The following WWOX variants were observed in gnomAD, a reference collection of about 807,000 sequenced individuals.
WWOX encodes the protein WW domain containing oxidoreductase.
WWOX carries 69 observed loss-of-function variants against 46.2 expected under a neutral mutation model. The observed-to-expected ratio is 1.49, with a 90% CI of 1.23 to 1.82. The LOEUF (loss-of-function observed/expected upper bound fraction) is 1.82. Ranked by LOEUF, WWOX falls within the 40% of genes most tolerant of loss-of-function variation. The probability of loss-of-function intolerance (pLI) is 0.00; values close to 1 mark genes in which losing one functional copy is unlikely to be tolerated. For synonymous variants in WWOX, 359 were observed against 202.6 expected, an observed-to-expected ratio of 1.77 and a Z score of -6.56; for missense variants, 919 against 542.6, an observed-to-expected ratio of 1.69 and a Z score of -6.89.
chr16:78,801,114 T>G (rs8051426), intron 8 of WWOX, among the ~76,000 whole-genome samples: 1 of 151,718 alleles, frequency 6.6e-6, no homozygotes, highest in Non-Finnish European at 1.5e-5. Context: ...AGTGCAGTGG[T>G]GCAATCTTGG....
At chr16:78,894,018 CTTTTATTATTATTAT>C (rs2044647060) in intron 8 of WWOX, among the ~76,000 whole-genome samples, 1 of 33,722 alleles carries the variant, frequency 3.0e-5, no homozygotes. Flanking sequence ...TTTATTGAGG[CTTTTATTATTATTAT>C]TATTATTATT....
At chr16:78,856,828 C>G (rs1177183546) in intron 8 of WWOX, among the ~76,000 whole-genome samples, 2 of 152,114 alleles carry the variant, frequency 1.3e-5, no homozygotes, top group Non-Finnish European at 2.9e-5. Flanking sequence ...AGGTTGTGTT[C>G]TGAGAAATGC....
intron 5 of WWOX, among the ~76,000 whole-genome samples, chr16:78,236,425 T>G (rs1007737187): frequency 6.6e-6 from 1 of 152,220 alleles, no homozygotes; most frequent in African/African-American, 2.4e-5. Context: ...TTTGCTTTTT[T>G]GACAGACACA....
intron 8 of WWOX, among the ~76,000 whole-genome samples, chr16:78,449,892 G>A (rs538125134): frequency 3.4e-5 from 5 of 147,964 alleles, no homozygotes; most frequent in East Asian, 2.0e-4. Flanking sequence ...GCCAGAAAGC[G>A]TGAACTTTTT....
chr16:78,883,681 G>C (rs1408946776), intron 8 of WWOX, among the ~76,000 whole-genome samples: 2 of 151,230 alleles, frequency 1.3e-5, no homozygotes, highest in African/African-American at 4.9e-5. Flanking sequence ...TTGAGATCAT[G>C]CTACTGTACT....
intron 8 of WWOX, among the ~76,000 whole-genome samples, chr16:79,070,676 A>G (rs371377115): frequency 1.3e-5 from 2 of 152,180 alleles, no homozygotes; most frequent in African/African-American, 2.4e-5. Flanking sequence ...GATGTCAACA[A>G]TCCAGGAGCT....
chr16:78,890,655 C>T (rs1052962783), intron 8 of WWOX: 1 of 152,218 alleles, frequency 6.6e-6, no homozygotes, highest in African/African-American at 2.4e-5. Context: ...CCAGTATTTT[C>T]CACAGCCAGT....
Position 78,228,370 on chromosome 16 carries a change from C to G in WWOX, c.516+64081C>G, listed in dbSNP as rs577057231. Among the ~76,000 whole-genome samples, 177 of 126,838 alleles carry G rather than the reference C, an allele frequency of 1.4e-3. 1 individual carries two copies. The highest frequency in any genetic ancestry group is 2.4e-3 in the Non-Finnish European group (154 of 62,878). 83.2% of individuals were successfully genotyped at this position (126,838 alleles called of 152,430 possible). A position where few individuals can be genotyped will look rare whatever the true frequency, so the allele number is the denominator to read the frequency against. The stretch of plus-strand genomic sequence containing the variant: ...TTTTTTTTTTTTTTTTGGAGATGGT[C>G]TCACTCTGTTACCCAGGCTGGAATG... On this transcript the variant is annotated intron_variant, in intron 5 of 8. Transcript: ENST00000566780.
chr16:78,647,656 A>G (rs966704169), intron 8 of WWOX, among the ~76,000 whole-genome samples: 43 of 152,240 alleles, frequency 2.8e-4, no homozygotes, highest in Non-Finnish European at 4.7e-4. Flanking sequence ...TGACAGGCAC[A>G]TCAACATCAG....
At chr16:79,147,506 G>A (rs1003173530) in intron 8 of WWOX, among the ~76,000 whole-genome samples, 9 of 152,120 alleles carry the variant, frequency 5.9e-5, no homozygotes, top group South Asian at 2.1e-4. Context: ...TCACTCTCCC[G>A]CTGAAGGAAA....
chr16:78,808,695 C>G (rs2051106508), intron 8 of WWOX, among the ~76,000 whole-genome samples: 1 of 152,134 alleles, frequency 6.6e-6, no homozygotes, highest in Non-Finnish European at 1.5e-5. Flanking sequence ...TCATGTAGTC[C>G]TCACACTAGA....
Position 78,782,966 on chromosome 16 carries a change from A to G in WWOX, c.1056+350214A>G, listed in dbSNP as rs1035874784. On this transcript the variant is annotated intron_variant, in intron 8 of 8. Coordinates refer to ENST00000566780, the MANE Select transcript of WWOX (RefSeq NM_016373.4). ...ATTTCTCATACATCAGGCCATTTCT[A>G]TGCCTGCCTGTGAACACAGGGATTT... Among the ~76,000 whole-genome samples, 7 of 152,190 alleles carry G rather than the reference A, an allele frequency of 4.6e-5. No homozygotes were observed. In the East Asian group the frequency reaches 5.8e-4, roughly 13 times the overall value.
At chr16:78,783,549 A>G in intron 8 of WWOX, among the ~76,000 whole-genome samples, 1 of 152,202 alleles carries the variant, frequency 6.6e-6, no homozygotes, top group Non-Finnish European at 1.5e-5. Context: ...GGCCTGTAAG[A>G]GGTTGATGTG....
chr16:78,318,272 A>ATTTTTTTTTTTTTTTTTTTTT (rs34730954), intron 5 of WWOX, among the ~76,000 whole-genome samples: 3 of 123,552 alleles, frequency 2.4e-5, no homozygotes, highest in African/African-American at 6.4e-5. Context: ...TCTGGGAGGA[A>ATTTTTTTTTTTTTTTTTTTTT]TTTTTTTTTT....
At chr16:78,730,234 G>T (rs546268554) in intron 8 of WWOX, among the ~76,000 whole-genome samples, 1 of 152,204 alleles carries the variant, frequency 6.6e-6, no homozygotes, top group African/African-American at 2.4e-5. Flanking sequence ...GTCTCTGTCA[G>T]GATGATCTTA....
intron 8 of WWOX, among the ~76,000 whole-genome samples, chr16:78,937,474 T>A (rs1008492428): frequency 5.0e-5 from 7 of 139,634 alleles, no homozygotes; most frequent in African/African-American, 1.3e-4. Flanking sequence ...TTTTTTTTTT[T>A]AATAGCGATG....
At chr16:78,812,194 C>T (rs2051207503) in intron 8 of WWOX, among the ~76,000 whole-genome samples, 1 of 151,834 alleles carries the variant, frequency 6.6e-6, no homozygotes, top group Admixed American at 6.6e-5. Flanking sequence ...ACTGTATCTG[C>T]CAATTTTTTA....
intron 4 of WWOX, among the ~76,000 whole-genome samples, chr16:78,154,804 G>T (rs1280662995): frequency 6.6e-6 from 1 of 152,174 alleles, no homozygotes; most frequent in African/African-American, 2.4e-5. Flanking sequence ...AGATCAGTGG[G>T]AGATGTTCTT....
intron 8 of WWOX, among the ~76,000 whole-genome samples, chr16:78,702,899 T>C (rs575530948): frequency 6.6e-6 from 1 of 152,318 alleles, no homozygotes; most frequent in East Asian, 1.9e-4. Context: ...AGGGGGATTA[T>C]ATAGGAGCTT....
Sources: gnomAD v4.1 joint callset for allele counts (sites outside exome capture counted in the v4.1 genomes callset) on GRCh38, gnomAD v4.1.1 for gene constraint, MANE v1.5 for transcripts, NCBI Gene and HGNC (gene_info 2026-07-23, HGNC 2026-07-21) for gene names.